Variants in PTPN4 observed in about 807,000 individuals in gnomAD.
PTPN4 encodes tyrosine-protein phosphatase non-receptor type 4.
PTPN4 carries 49 observed loss-of-function variants against 135.5 expected under a neutral mutation model. The observed-to-expected ratio is 0.36, with a 90% CI of 0.29 to 0.46. The LOEUF (loss-of-function observed/expected upper bound fraction) is 0.46, where lower values mean the gene tolerates loss of function less well. Ranked by LOEUF, PTPN4 falls within the 20% of genes least tolerant of loss-of-function variation. The pLI, the probability that PTPN4 is intolerant of heterozygous loss-of-function variation, is 1.00. For missense variants in PTPN4, 860 were observed against 1,101.0 expected (o/e 0.78, Z 3.10); for synonymous variants, 333 against 369.9 (o/e 0.90, Z 1.14).
At chr2:119,956,237 A>ATTTTTTTTTTT (rs10627020) in intron 20 of PTPN4, among the ~76,000 whole-genome samples, 2 of 101,042 alleles carry the variant, frequency 2.0e-5, no homozygotes, top group Non-Finnish European at 3.8e-5. Context: ...ATAAACCTGA[A>ATTTTTTTTTTT]TTTTTTTTTT....
intron 23 of PTPN4, 64 bp downstream of exon 23, chr2:119,961,017 G>T: frequency 6.9e-7 from 1 of 1,447,922 alleles, no homozygotes; most frequent in East Asian, 2.5e-5. Flanking sequence ...CACATATGTA[G>T]TCAAAATATT....
chr2:119,802,125 G>A (rs181717934), intron 1 of PTPN4, among the ~76,000 whole-genome samples: 2 of 152,098 alleles, frequency 1.3e-5, no homozygotes, highest in Admixed American at 1.3e-4. Context: ...GGATGGTCTC[G>A]ATCTCTTGAC....
At chr2:119,790,964 C>T (rs537710280) in intron 1 of PTPN4, among the ~76,000 whole-genome samples, 1 of 152,238 alleles carries the variant, frequency 6.6e-6, no homozygotes, top group East Asian at 1.9e-4. Flanking sequence ...CCTCCTTTCC[C>T]CTTCCTTTGT....
At chr2:119,954,607 G>A (rs1009294380) in intron 19 of PTPN4, among the ~76,000 whole-genome samples, 2 of 152,152 alleles carry the variant, frequency 1.3e-5, no homozygotes, top group African/African-American at 2.4e-5. Flanking sequence ...GGGACTGAGA[G>A]TGGGTAACGG....
chr2:119,935,689 G>T (rs1019940996), intron 15 of PTPN4, among the ~76,000 whole-genome samples: 1 of 152,146 alleles, frequency 6.6e-6, no homozygotes, highest in African/African-American at 2.4e-5. Context: ...AAATAGGATT[G>T]ATGGGAGATT....
At position 119,770,068 on chromosome 2, in the gene PTPN4, A is replaced by G. The variant is rs1690707020; in HGVS notation, c.-18+9684A>G. Among the ~76,000 whole-genome samples the G allele has an allele frequency of 2.0e-5, 3 of 152,234 alleles. No homozygotes were observed. In the South Asian group the frequency reaches 6.2e-4, roughly 32 times the overall value. On this transcript the variant is annotated intron_variant, in intron 1 of 26. Transcript: ENST00000263708. ...TACGTCCAAAATTGGAGGTGACTTT[A>G]GAGGGAAATCCAATCCAGGGCTAAT... is the stretch of plus-strand genomic sequence containing the variant.
At chr2:119,800,147 A>G (rs1338926576) in intron 1 of PTPN4, among the ~76,000 whole-genome samples, 2 of 152,134 alleles carry the variant, frequency 1.3e-5, no homozygotes, top group Non-Finnish European at 2.9e-5. Context: ...AGAGGATGCA[A>G]TCATTATTTT....
rs1679646168 is a variant in PTPN4 at position 119,978,273 on chromosome 2, A to G, written c.*1203A>G. ...TAGAGCAAATAATTGTGATTTATTC[A>G]TGTCCATAACTAAAATATTATTCTT... On this transcript the variant is annotated 3_prime_UTR_variant, in exon 27 of 27. Transcript: ENST00000263708. The G allele has an allele frequency of 6.6e-6, 1 of 152,206 alleles. No homozygotes were observed. The highest frequency in any genetic ancestry group is 1.5e-5 in the Non-Finnish European group (1 of 68,024). The allele number at this position is 152,206 out of a possible 1,614,324, so 9.4% of individuals were successfully genotyped here.
chr2:119,946,487 T>G, intron 17 of PTPN4, 31 bp from the exon 18 acceptor site: 8 of 1,596,772 alleles, frequency 5.0e-6, no homozygotes, highest in Non-Finnish European at 6.8e-6. Flanking sequence ...TGGTAATATT[T>G]GACTAACATT....
chr2:119,852,478 C>T (rs80094490), intron 2 of PTPN4, among the ~76,000 whole-genome samples: 3,659 of 152,302 alleles, frequency 0.024, 144 homozygotes, highest in African/African-American at 0.082. Context: ...CTTTTGGCTA[C>T]GCCAAGCACT....
intron 3 of PTPN4, among the ~76,000 whole-genome samples, chr2:119,872,925 A>G (rs866712505): frequency 6.6e-6 from 1 of 152,208 alleles, no homozygotes; most frequent in Non-Finnish European, 1.5e-5. Flanking sequence ...TAATTTGTCC[A>G]AATTATATTT....
At chr2:119,776,947 A>G (rs961570063) in intron 1 of PTPN4, among the ~76,000 whole-genome samples, 6 of 152,178 alleles carry the variant, frequency 3.9e-5, no homozygotes, top group African/African-American at 1.4e-4. Context: ...CATTGTTCAA[A>G]GGTCAACTGT....
intron 2 of PTPN4, among the ~76,000 whole-genome samples, chr2:119,844,389 G>T (rs1400358500): frequency 4.2e-5 from 6 of 142,224 alleles, no homozygotes; most frequent in Non-Finnish European, 7.8e-5. Flanking sequence ...GGTGGCTGCC[G>T]GGCGGAGACA....
intron 15 of PTPN4, among the ~76,000 whole-genome samples, chr2:119,944,163 A>G (rs937200741): frequency 1.8e-4 from 27 of 152,348 alleles, no homozygotes; most frequent in African/African-American, 6.5e-4. Context: ...TTGACACAGT[A>G]GCTGTCATCT....
intron 13 of PTPN4, among the ~76,000 whole-genome samples, chr2:119,927,220 T>A (rs1364038819): frequency 6.6e-6 from 1 of 151,698 alleles, no homozygotes; most frequent in Non-Finnish European, 1.5e-5. Flanking sequence ...TTCAAGTGAT[T>A]CTCCTGCCTC....
intron 26 of PTPN4, among the ~76,000 whole-genome samples, chr2:119,974,589 T>A (rs1275032352): frequency 6.6e-6 from 1 of 152,178 alleles, no homozygotes; most frequent in Non-Finnish European, 1.5e-5. Flanking sequence ...TCTGAGTCCT[T>A]TTGTCAAGAC....
At chr2:119,826,404 G>A (rs567120290) in intron 2 of PTPN4, among the ~76,000 whole-genome samples, 8 of 152,278 alleles carry the variant, frequency 5.3e-5, no homozygotes, top group South Asian at 2.1e-4. Context: ...AGCCCTTACC[G>A]GAAACTATAA....
intron 9 of PTPN4, among the ~76,000 whole-genome samples, chr2:119,890,993 C>G (rs1006856233): frequency 3.3e-5 from 5 of 152,144 alleles, no homozygotes; most frequent in African/African-American, 1.2e-4. Flanking sequence ...GGTGATGAGA[C>G]ACTTCTGCTA....
chr2:119,955,677 C>T (rs1679269951), intron 20 of PTPN4, among the ~76,000 whole-genome samples: 1 of 152,118 alleles, frequency 6.6e-6, no homozygotes, highest in Non-Finnish European at 1.5e-5. Context: ...GTGGCTCACG[C>T]CTGTAATCCC....
Sources: gnomAD v4.1 joint callset for allele counts (sites outside exome capture counted in the v4.1 genomes callset) on GRCh38, gnomAD v4.1.1 for gene constraint, MANE v1.5 for transcripts, NCBI Gene and HGNC (gene_info 2026-07-23, HGNC 2026-07-21) for gene names.